CCDC85A: variants seen among roughly 807,000 people sequenced by gnomAD.
CCDC85A encodes coiled-coil domain containing 85A.
A neutral mutation model predicts 50.2 loss-of-function variants in CCDC85A; 38 were observed. That is an observed-to-expected ratio of 0.76 (90% CI 0.58 to 0.99). CCDC85A has a LOEUF of 0.99. Ranked by LOEUF, CCDC85A falls within the 50% of genes least tolerant of loss-of-function variation. The pLI is 0.00. For missense variants in CCDC85A, 820 were observed against 742.0 expected (o/e 1.11, Z -1.22); for synonymous variants, 366 against 301.4 (o/e 1.21, Z -2.22).
chr2:56,268,285 T>C (rs1006200922), intron 2 of CCDC85A, among the ~76,000 whole-genome samples: 4 of 152,058 alleles, frequency 2.6e-5, no homozygotes, highest in Admixed American at 6.6e-5. Flanking sequence ...AAACAAAGTT[T>C]TGAAGGACCT....
intron 2 of CCDC85A, among the ~76,000 whole-genome samples, chr2:56,326,535 C>T (rs544034645): frequency 3.0e-4 from 46 of 152,140 alleles, no homozygotes; most frequent in African/African-American, 9.6e-4. Context: ...ACTTTCCCTC[C>T]GTACTACACT....
intron 2 of CCDC85A, among the ~76,000 whole-genome samples, chr2:56,307,949 T>C (rs1167710872): frequency 6.6e-6 from 1 of 152,230 alleles, no homozygotes. Flanking sequence ...ACAGCTATGA[T>C]GACATATTTT....
At chr2:56,257,140 G>A (rs1303754816) in intron 2 of CCDC85A, among the ~76,000 whole-genome samples, 6 of 152,102 alleles carry the variant, frequency 3.9e-5, no homozygotes, top group African/African-American at 1.4e-4. Flanking sequence ...TTCTGTGTGC[G>A]AGATGCTATG....
intron 2 of CCDC85A, among the ~76,000 whole-genome samples, chr2:56,285,200 C>T (rs746281876): frequency 1.3e-4 from 19 of 151,274 alleles, no homozygotes; most frequent in Non-Finnish European, 2.2e-4. Flanking sequence ...GTCCCAGGTT[C>T]AAGCAATTCA....
intron 2 of CCDC85A, among the ~76,000 whole-genome samples, chr2:56,268,448 A>G (rs1670547723): frequency 6.6e-6 from 1 of 152,098 alleles, no homozygotes; most frequent in South Asian, 2.1e-4. Flanking sequence ...ACAAAAAATT[A>G]GCCAAGAGTG....
At chr2:56,189,593 T>G (rs192472878) in intron 1 of CCDC85A, among the ~76,000 whole-genome samples, 195 of 152,290 alleles carry the variant, frequency 1.3e-3, no homozygotes, top group African/African-American at 4.4e-3. Context: ...ACCCAGGTGT[T>G]GTTGTTTTTT....
At chr2:56,206,419 A>G (rs1676961905) in intron 2 of CCDC85A, among the ~76,000 whole-genome samples, 1 of 152,152 alleles carries the variant, frequency 6.6e-6, no homozygotes, top group Non-Finnish European at 1.5e-5. Flanking sequence ...AATAATGAAC[A>G]GACGTTTATT....
At chr2:56,256,650 G>A (rs1007569645) in intron 2 of CCDC85A, among the ~76,000 whole-genome samples, 1 of 152,162 alleles carries the variant, frequency 6.6e-6, no homozygotes, top group African/African-American at 2.4e-5. Context: ...CCTCATTTAG[G>A]AGCCCTGCAG....
rs571674156 is a variant in CCDC85A, at chr2:56,254,775, T to C, written c.1240+61335T>C. ...TCTAGCCAGGGACATCAGCAGAGGCTTCCCTGAAGAAGTGATGATTAAGTT... is the reference window on the plus strand; with the variant it reads ...TCTAGCCAGGGACATCAGCAGAGGCCTCCCTGAAGAAGTGATGATTAAGTT... On this transcript the variant is annotated intron_variant, in intron 2 of 5. Transcript: ENST00000407595. Among the ~76,000 whole-genome samples, 10 of 152,304 alleles carry C rather than the reference T, an allele frequency of 6.6e-5. No individual in the cohort carries two copies. In the South Asian group the frequency reaches 2.1e-3, roughly 32 times the overall value.
intron 2 of CCDC85A, among the ~76,000 whole-genome samples, chr2:56,336,646 T>C (rs959728427): frequency 5.3e-5 from 8 of 152,158 alleles, no homozygotes; most frequent in Non-Finnish European, 1.0e-4. Flanking sequence ...GTGTAATTTG[T>C]GGGTGATTTC....
At chr2:56,369,892 A>G (rs1675988355) in intron 3 of CCDC85A, among the ~76,000 whole-genome samples, 1 of 152,150 alleles carries the variant, frequency 6.6e-6, no homozygotes, top group Admixed American at 6.5e-5. Context: ...TCAAGGAATA[A>G]AAACTATTGA....
chr2:56,201,772 T>C (rs1434035602), intron 2 of CCDC85A, among the ~76,000 whole-genome samples: 1 of 152,134 alleles, frequency 6.6e-6, no homozygotes. Context: ...ATATTAATGC[T>C]AAAGAATAGG....
chr2:56,332,646 T>C (rs998669357), intron 2 of CCDC85A, among the ~76,000 whole-genome samples: 2 of 151,762 alleles, frequency 1.3e-5, no homozygotes, highest in African/African-American at 4.8e-5. Context: ...TGTCTCTGTC[T>C]CTCTATCTCT....
rs78555844 is a variant in CCDC85A, at chr2:56,308,505, C to G, written c.1241-34374C>G. ...GAAGTTCAAAATCTGGCTCTGTTGC[C>G]TTCTAGGTAGGCAGACATGGAAAAC... is the stretch of plus-strand genomic sequence containing the variant. On this transcript the variant is annotated intron_variant, in intron 2 of 5. Transcript: ENST00000407595. Among the ~76,000 whole-genome samples the G allele has an allele frequency of 9.3e-3, 1,412 of 152,226 alleles. 30 individuals carry two copies. The highest frequency in any genetic ancestry group is 0.032 in the African/African-American group (1,336 of 41,520).
chr2:56,194,540 G>A (rs1412486900), intron 2 of CCDC85A, among the ~76,000 whole-genome samples: 1 of 152,192 alleles, frequency 6.6e-6, no homozygotes, highest in African/African-American at 2.4e-5. Flanking sequence ...GGAGGAGGCT[G>A]CCAGTTTTAG....
At chr2:56,256,400 T>C (rs1404647590) in intron 2 of CCDC85A, among the ~76,000 whole-genome samples, 1 of 152,170 alleles carries the variant, frequency 6.6e-6, no homozygotes, top group Non-Finnish European at 1.5e-5. Flanking sequence ...TTACTATTTA[T>C]TAAGTGGGCA....
chr2:56,236,474 TAATG>T (rs1669020932), intron 2 of CCDC85A, among the ~76,000 whole-genome samples: 1 of 152,132 alleles, frequency 6.6e-6, no homozygotes, highest in Admixed American at 6.5e-5. Context: ...GTACAGCTAA[TAATG>T]AAAGAGGAGA....
intron 3 of CCDC85A, among the ~76,000 whole-genome samples, chr2:56,347,561 A>C (rs1292176193): frequency 6.6e-6 from 1 of 152,192 alleles, no homozygotes; most frequent in East Asian, 1.9e-4. Context: ...ATAAAACAAA[A>C]AGTGCATTTT....
Position 56,384,572 on chromosome 2 carries a change from A to C in CCDC85A, c.*217A>C. On this transcript the variant is annotated 3_prime_UTR_variant, in exon 6 of 6. Transcript: ENST00000407595. ...CTCAATGTCCACAACAGTCAATCTCAAACAAGGTAGCTTTGAACATCTCAA... is the reference window on the plus strand; with the variant it reads ...CTCAATGTCCACAACAGTCAATCTCCAACAAGGTAGCTTTGAACATCTCAA... 4 of 471,134 alleles carry C rather than the reference A, an allele frequency of 8.5e-6. No homozygotes were observed. The highest frequency in any genetic ancestry group is 3.2e-5 in the East Asian group (1 of 31,372). The allele number at this position is 471,134 out of a possible 1,614,324, so 29.2% of individuals were successfully genotyped here.
Sources: allele counts gnomAD v4.1 joint callset (sites outside exome capture counted in the v4.1 genomes callset), GRCh38; gene constraint gnomAD v4.1.1; transcripts MANE v1.5; gene names NCBI Gene and HGNC (gene_info 2026-07-23, HGNC 2026-07-21).